ZNF407: variants seen among roughly 807,000 people sequenced by gnomAD.
ZNF407 encodes zinc finger protein 407.
Under a neutral mutation model 131.2 loss-of-function variants are expected in ZNF407, and 17 were observed. The ratio of observed to expected loss-of-function variants is 0.13; its 90% CI spans 0.09 to 0.19. The LOEUF (loss-of-function observed/expected upper bound fraction) is 0.19, where lower values mean the gene tolerates loss of function less well. ZNF407 is among the 10% of genes least tolerant of loss of function. The probability of loss-of-function intolerance (pLI) is 1.00; values close to 1 mark genes in which losing one functional copy is unlikely to be tolerated. For synonymous variants in ZNF407, 1,156 were observed against 1,062.0 expected (o/e 1.09, Z -1.72); for missense variants, 2,681 against 2,830.6 (o/e 0.95, Z 1.20).
chr18:74,769,541 G>C (rs1969317129), intron 3 of ZNF407, among the ~76,000 whole-genome samples: 1 of 152,086 alleles, frequency 6.6e-6, no homozygotes, highest in African/African-American at 2.4e-5. Flanking sequence ...GATTTCAATT[G>C]GTCATGGCAA....
intron 8 of ZNF407, among the ~76,000 whole-genome samples, chr18:74,981,975 A>G (rs1972598230): frequency 6.6e-6 from 1 of 152,220 alleles, no homozygotes; most frequent in African/African-American, 2.4e-5. Flanking sequence ...GTTGGCTTAA[A>G]ATGGGAATTC....
intron 5 of ZNF407, among the ~76,000 whole-genome samples, chr18:74,879,762 T>G (rs1971213127): frequency 2.6e-5 from 4 of 152,214 alleles, no homozygotes; most frequent in Admixed American, 2.0e-4. Flanking sequence ...CCTTAGGAAA[T>G]AAGATTAAGC....
At chr18:74,616,341 T>G (rs1983288106) in intron 1 of ZNF407, among the ~76,000 whole-genome samples, 1 of 152,174 alleles carries the variant, frequency 6.6e-6, no homozygotes, top group African/African-American at 2.4e-5. Flanking sequence ...AAACCTTCAG[T>G]TGAAGATAAA....
At chr18:74,785,750 C>T (rs1443264063) in intron 4 of ZNF407, among the ~76,000 whole-genome samples, 1 of 151,704 alleles carries the variant, frequency 6.6e-6, no homozygotes, top group East Asian at 1.9e-4. Context: ...CTGGCATGCA[C>T]CTGGCATGCA....
chr18:74,778,759 C>T (rs769827875), intron 3 of ZNF407, among the ~76,000 whole-genome samples: 6 of 151,992 alleles, frequency 3.9e-5, no homozygotes, highest in Admixed American at 6.6e-5. Context: ...CTTGAACGGT[C>T]TGTGTTTTCG....
chr18:74,625,385 T>C (rs913696605), intron 1 of ZNF407, among the ~76,000 whole-genome samples: 1 of 152,088 alleles, frequency 6.6e-6, no homozygotes, highest in Non-Finnish European at 1.5e-5. Flanking sequence ...TATGTATGTC[T>C]TCCCTAAGTA....
intron 3 of ZNF407, among the ~76,000 whole-genome samples, chr18:74,737,050 G>A (rs1321101131): frequency 3.9e-5 from 6 of 152,102 alleles, no homozygotes; most frequent in Non-Finnish European, 5.9e-5. Context: ...AAACTAGGTC[G>A]AAATGAAAAA....
At chr18:74,662,246 G>C (rs1985747302) in intron 3 of ZNF407, among the ~76,000 whole-genome samples, 1 of 152,026 alleles carries the variant, frequency 6.6e-6, no homozygotes, top group South Asian at 2.1e-4. Context: ...CTCAGAAAGG[G>C]CTTTAACTTG....
chr18:74,723,950 G>A (rs1315587324), intron 3 of ZNF407, among the ~76,000 whole-genome samples: 1 of 146,318 alleles, frequency 6.8e-6, no homozygotes. Context: ...CGGGGTGGGG[G>A]GGGTTTGTTT....
chr18:74,913,885 T>C (rs1352964477), intron 7 of ZNF407, among the ~76,000 whole-genome samples: 2 of 152,196 alleles, frequency 1.3e-5, no homozygotes, highest in Non-Finnish European at 2.9e-5. Context: ...TGTTTATTAT[T>C]TTAACATACA....
intron 3 of ZNF407, among the ~76,000 whole-genome samples, chr18:74,755,728 C>CCTTTCTTTCTTTCTTTCTTTCCTTCTTT: frequency 1.6e-5 from 1 of 63,468 alleles, no homozygotes; most frequent in Non-Finnish European, 2.8e-5. Context: ...TTCTTTCTTT[C>CCTTTCTTTCTTTCTTTCTTTCCTTCTTT]CTTTCTTTCT....
chr18:75,031,104 A>G (rs181900397), intron 8 of ZNF407, among the ~76,000 whole-genome samples: 1 of 152,340 alleles, frequency 6.6e-6, no homozygotes, highest in African/African-American at 2.4e-5. Context: ...CTCACCTGCA[A>G]GACCTCACAC....
Position 75,063,099 on chromosome 18 carries a change from T to C in ZNF407, c.5429-51T>C, listed in dbSNP as rs1013539130. 6.7e-7 allele frequency: 1 copy of C among 1,490,550 alleles called. No homozygotes were observed. Among genetic ancestry groups the C allele is most frequent in the Non-Finnish European group, 9.0e-7 (1 of 1,107,912 alleles). 92.3% of individuals were successfully genotyped at this position (1,490,550 alleles called of 1,614,324 possible). On this transcript the variant is annotated intron_variant, in intron 8 of 8. Transcript: ENST00000299687. This position sits in a 1 kb window ranked among gnomAD's most constrained non-coding sequence, Gnocchi z 6.6. ...TTCTGCAGAAGAAGTGTCTTACTTG[T>C]AAGCCTACGAGTACTTTTTCCAGGC...
chr18:74,634,649 T>C lies in ZNF407; in HGVS notation c.3630T>C (p.Cys1210=). 6.2e-7 allele frequency: 1 copy of C among 1,613,970 alleles called. No homozygotes were observed. The highest frequency in any genetic ancestry group is 8.5e-7 in the Non-Finnish European group (1 of 1,179,892). ...NENSGSSALN[C]ETAKKNHEIS... ...ATTCAGGAAGCTCTGCCTTAAATTG[T>C]GAGACAGCAAAGAAAAACCATGAGA... is the stretch of plus-strand genomic sequence containing the variant. Residue 1210 remains cysteine, a synonymous_variant, in exon 2 of 9, where the codon TGT becomes TGC. Transcript: ENST00000299687.
At chr18:74,940,391 G>A (rs1972083780) in intron 8 of ZNF407, among the ~76,000 whole-genome samples, 1 of 152,264 alleles carries the variant, frequency 6.6e-6, no homozygotes, top group Non-Finnish European at 1.5e-5. Flanking sequence ...TGGGCACTGG[G>A]GTGGGGCTGG....
intron 4 of ZNF407, among the ~76,000 whole-genome samples, chr18:74,828,354 G>T (rs145949492): frequency 1.6e-4 from 24 of 152,274 alleles, no homozygotes; most frequent in Non-Finnish European, 2.5e-4. Context: ...TCACTGCCGG[G>T]CTTTTTCTCA....
intron 7 of ZNF407, among the ~76,000 whole-genome samples, chr18:74,900,932 T>A (rs1265494558): frequency 6.6e-6 from 1 of 152,218 alleles, no homozygotes; most frequent in Admixed American, 6.5e-5. Context: ...GCCGGTTTTT[T>A]TCTAGAAATA....
chr18:74,730,809 G>C (rs1968277422), intron 3 of ZNF407, among the ~76,000 whole-genome samples: 1 of 152,108 alleles, frequency 6.6e-6, no homozygotes, highest in African/African-American at 2.4e-5. Flanking sequence ...TTCCAATGTA[G>C]AAACTACAAA....
chr18:74,857,370 TACAA>T (rs1001022678), intron 4 of ZNF407, among the ~76,000 whole-genome samples: 1 of 152,242 alleles, frequency 6.6e-6, no homozygotes, highest in Non-Finnish European at 1.5e-5. Flanking sequence ...CCTTAATATT[TACAA>T]GTATTTTATA....
Sources: allele counts gnomAD v4.1 joint callset (sites outside exome capture counted in the v4.1 genomes callset), GRCh38; gene constraint gnomAD v4.1.1; non-coding constraint Gnocchi (gnomAD v3.1); transcripts MANE v1.5; gene names NCBI Gene and HGNC (gene_info 2026-07-23, HGNC 2026-07-21).